Variants in SNX2 observed in about 807,000 individuals in gnomAD.
SNX2 encodes the protein sorting nexin 2.
In SNX2, 25 loss-of-function variants were observed where a neutral mutation model predicts 69.9. The observed-to-expected ratio is 0.36, with a 90% CI of 0.26 to 0.50. The LOEUF (loss-of-function observed/expected upper bound fraction) is 0.50. Ranked by LOEUF, SNX2 falls within the 20% of genes least tolerant of loss-of-function variation. The pLI is 0.97. For synonymous variants in SNX2, 229 were observed against 200.4 expected (o/e 1.14, Z -1.20); for missense variants, 551 against 613.3 (o/e 0.90, Z 1.07).
intron 11 of SNX2, among the ~76,000 whole-genome samples, chr5:122,823,166 T>G (rs1215492181): frequency 7.9e-6 from 1 of 126,920 alleles, no homozygotes; most frequent in Non-Finnish European, 1.7e-5. Flanking sequence ...CTTATCCCTC[T>G]TATAATGGTT....
At chr5:122,780,145 T>C (rs1445795159) in intron 1 of SNX2, among the ~76,000 whole-genome samples, 3 of 152,220 alleles carry the variant, frequency 2.0e-5, no homozygotes, top group Non-Finnish European at 4.4e-5. Context: ...CTAGGACTGC[T>C]GGATGGGCTA....
intron 1 of SNX2, among the ~76,000 whole-genome samples, chr5:122,794,327 CA>C (rs34462649): frequency 6.6e-6 from 1 of 151,336 alleles, no homozygotes; most frequent in African/African-American, 2.4e-5. Context: ...AACAAACAAA[CA>C]AAAAAAACAA....
chr5:122,775,784 T>C, intron 1 of SNX2: 1 of 984,804 alleles, frequency 1.0e-6, no homozygotes. Flanking sequence ...TGCCTCTTTT[T>C]GTTTGTCTTT....
At position 122,831,527 on chromosome 5, in the gene SNX2, A is replaced by C. The variant is rs1248742851; in HGVS notation, c.*1879A>C. Among the ~76,000 whole-genome samples, 4 of 152,218 alleles carry C rather than the reference A, an allele frequency of 2.6e-5. No individual in the cohort carries two copies. Among genetic ancestry groups the C allele is most frequent in the Non-Finnish European group, 5.9e-5 (4 of 68,046 alleles). On this transcript the variant is annotated 3_prime_UTR_variant, in exon 15 of 15. Transcript: ENST00000379516. ...ACTTGATGAGTTGAACAGGGAAAACAAAAGTTTGCTCTTCTAAAAAGAAAC... is the reference window on the plus strand; with the variant it reads ...ACTTGATGAGTTGAACAGGGAAAACCAAAGTTTGCTCTTCTAAAAAGAAAC...
rs1245099276 is a variant in SNX2, at chr5:122,832,059, C to T, written c.*2411C>T. Among the ~76,000 whole-genome samples, 1 of 152,106 alleles carries T rather than the reference C, an allele frequency of 6.6e-6. No individual in the cohort carries two copies. Among genetic ancestry groups the T allele is most frequent in the Non-Finnish European group, 1.5e-5 (1 of 68,004 alleles). ...ATGCTTTCATCCCAAATAAGTAAAA[C>T]AAGAACATTAATAGTGCTAATAATA... On this transcript the variant is annotated 3_prime_UTR_variant, in exon 15 of 15. Transcript: ENST00000379516.
intron 5 of SNX2, 131 bp from the exon 6 acceptor site, chr5:122,803,341 C>G: frequency 1.3e-6 from 1 of 770,776 alleles, no homozygotes; most frequent in Non-Finnish European, 2.0e-6. Flanking sequence ...AACCTATATA[C>G]CACATTAGTT....
chr5:122,795,463 CTG>C, intron 2 of SNX2, 80 bp downstream of exon 2: 2 of 967,762 alleles, frequency 2.1e-6, no homozygotes, highest in South Asian at 1.5e-5. Context: ...TAAAACAAAA[CTG>C]AAATTCTGTG....
chr5:122,827,686 G>T, intron 14 of SNX2, 40 bp downstream of exon 14: 2 of 1,420,440 alleles, frequency 1.4e-6, no homozygotes, highest in Non-Finnish European at 2.0e-6. Flanking sequence ...TCTAGAATTT[G>T]TTTTTGGTAT....
At chr5:122,804,049 G>C (rs187567000) in intron 6 of SNX2, among the ~76,000 whole-genome samples, 297 of 152,104 alleles carry the variant, frequency 2.0e-3, no homozygotes, top group African/African-American at 6.9e-3. Flanking sequence ...TGAGGCAGGA[G>C]AATCACTTGA....
At chr5:122,809,589 A>G (rs1300819652) in intron 7 of SNX2, among the ~76,000 whole-genome samples, 1 of 152,038 alleles carries the variant, frequency 6.6e-6, no homozygotes, top group Non-Finnish European at 1.5e-5. Flanking sequence ...GAAACTTTCT[A>G]ATTTCACTGG....
chr5:122,830,311 CTT>C lies in SNX2; in HGVS notation c.*664_*665del, dbSNP rs571168497. 2.2e-3 allele frequency among the ~76,000 whole-genome samples: 334 copies of C among 152,196 alleles called. 1 individual carries two copies. The highest frequency in any genetic ancestry group is 7.8e-3 in the African/African-American group (326 of 41,536). On this transcript the variant is annotated 3_prime_UTR_variant, in exon 15 of 15. Transcript: ENST00000379516. ...ATCATAAATCAAAGAACATTTGACT[CTT>C]GATTGTCTTGGGTAAAGAAGAGAAT...
intron 8 of SNX2, 65 bp from the exon 9 acceptor site, chr5:122,816,850 T>C (rs1753910838): frequency 1.2e-6 from 1 of 858,382 alleles, no homozygotes; most frequent in Non-Finnish European, 1.9e-6. Context: ...GGATCACTTT[T>C]GTGCCTAGTT....
chr5:122,786,595 A>G (rs940343580), intron 1 of SNX2, among the ~76,000 whole-genome samples: 1 of 151,956 alleles, frequency 6.6e-6, no homozygotes, highest in African/African-American at 2.4e-5. Flanking sequence ...AGGTTCATTT[A>G]CCTTCCCTCC....
chr5:122,779,984 T>A (rs1271022834), intron 1 of SNX2, among the ~76,000 whole-genome samples: 2 of 152,180 alleles, frequency 1.3e-5, no homozygotes, highest in Non-Finnish European at 1.5e-5. Flanking sequence ...GTGCAAATAA[T>A]AAAGGAGAAA....
intron 1 of SNX2, among the ~76,000 whole-genome samples, chr5:122,782,220 T>C (rs951377485): frequency 1.3e-5 from 2 of 152,174 alleles, no homozygotes; most frequent in African/African-American, 2.4e-5. Context: ...TGTGTCCTTT[T>C]ACATCTTTTG....
intron 10 of SNX2, among the ~76,000 whole-genome samples, chr5:122,818,384 A>T (rs1753947876): frequency 6.6e-6 from 1 of 152,202 alleles, no homozygotes. Flanking sequence ...TAGCTAAATA[A>T]TATTCTCATT....
chr5:122,777,262 A>G (rs533558624), intron 1 of SNX2, among the ~76,000 whole-genome samples: 3 of 152,256 alleles, frequency 2.0e-5, no homozygotes, highest in African/African-American at 7.2e-5. Context: ...GTGTTTTGCA[A>G]TCTTTGTAAA....
At chr5:122,807,412 C>T (rs1345620917) in intron 6 of SNX2, among the ~76,000 whole-genome samples, 1 of 152,128 alleles carries the variant, frequency 6.6e-6, no homozygotes, top group African/African-American at 2.4e-5. Flanking sequence ...TCCTCATTTT[C>T]CCCAGCCCTA....
In SNX2 at chr5:122,829,733, A is replaced by C; in HGVS notation, c.*85A>C. On this transcript the variant is annotated 3_prime_UTR_variant, in exon 15 of 15. Coordinates refer to ENST00000379516, the MANE Select transcript of SNX2 (RefSeq NM_003100.4). ...CAGTGAAATCATTTAAAACCATCTA[A>C]ATAAACCACTATATATTTTATGAAT... The C allele has an allele frequency of 2.0e-6, 2 of 1,020,370 alleles. No individual in the cohort carries two copies. The highest frequency in any genetic ancestry group is 3.1e-6 in the Non-Finnish European group (2 of 647,194). The allele number at this position is 1,020,370 out of a possible 1,614,324, so 63.2% of individuals were successfully genotyped here. A position where few individuals can be genotyped will look rare whatever the true frequency, so the allele number is the denominator to read the frequency against.
Sources: allele counts gnomAD v4.1 joint callset (sites outside exome capture counted in the v4.1 genomes callset), GRCh38; gene constraint gnomAD v4.1.1; transcripts MANE v1.5; gene names NCBI Gene and HGNC (gene_info 2026-07-23, HGNC 2026-07-21).